The following CCDC178 variants were observed in gnomAD, a reference collection of about 807,000 sequenced individuals.
CCDC178 encodes coiled-coil domain-containing protein 178.
A neutral mutation model predicts 117.4 loss-of-function variants in CCDC178; 126 were observed. The observed-to-expected ratio is 1.07, with a 90% CI of 0.93 to 1.24. The LOEUF is 1.24. Among genes scored for constraint, CCDC178 ranks in the 50% most tolerant of loss-of-function variants. The pLI, the probability that CCDC178 is intolerant of heterozygous loss-of-function variation, is 0.00. For missense variants in CCDC178, 1,030 were observed against 986.9 expected, an observed-to-expected ratio of 1.04 and a Z score of -0.59; for synonymous variants, 283 against 313.4, an observed-to-expected ratio of 0.90 and a Z score of 1.02.
chr18:33,338,244 A>G (rs2062768387), intron 9 of CCDC178, among the ~76,000 whole-genome samples: 2 of 152,186 alleles, frequency 1.3e-5, no homozygotes, highest in South Asian at 4.1e-4. Context: ...TAAAAAAATG[A>G]AAAACATTAT....
intron 7 of CCDC178, among the ~76,000 whole-genome samples, chr18:33,355,009 T>C (rs1430415452): frequency 6.6e-6 from 1 of 152,180 alleles, no homozygotes; most frequent in Non-Finnish European, 1.5e-5. Context: ...TTGTTCATGG[T>C]TTCCTTTATC....
At chr18:33,204,820 T>C (rs534822921) in intron 20 of CCDC178, among the ~76,000 whole-genome samples, 12 of 152,100 alleles carry the variant, frequency 7.9e-5, no homozygotes, top group Non-Finnish European at 1.8e-4. Context: ...GAAGATATGG[T>C]TACAAAATTA....
intron 9 of CCDC178, 112 bp from the exon 10 acceptor site, chr18:33,333,506 C>CTT (rs11361411): frequency 4.0e-3 from 617 of 152,630 alleles, no homozygotes; most frequent in South Asian, 1.0e-2. Flanking sequence ...AATCTTACTA[C>CTT]TTTTTTTTTT....
intron 14 of CCDC178, among the ~76,000 whole-genome samples, chr18:33,247,374 C>A (rs959457616): frequency 7.3e-5 from 11 of 151,402 alleles, no homozygotes; most frequent in Admixed American, 2.0e-4. Flanking sequence ...TGACACACAG[C>A]AGAAATTAGA....
intron 5 of CCDC178, among the ~76,000 whole-genome samples, chr18:33,389,133 C>T (rs888101937): frequency 2.6e-5 from 4 of 151,956 alleles, no homozygotes; most frequent in Non-Finnish European, 5.9e-5. Context: ...CACATGTACC[C>T]TGGAACTTAA....
intron 2 of CCDC178, among the ~76,000 whole-genome samples, chr18:33,421,332 T>C (rs1599301163): frequency 6.6e-6 from 1 of 152,344 alleles, no homozygotes; most frequent in Non-Finnish European, 1.5e-5. Flanking sequence ...GGCCCCAGCT[T>C]TCCTTCCTGC....
At chr18:33,290,001 T>C (rs1417958612) in intron 12 of CCDC178, among the ~76,000 whole-genome samples, 5 of 152,152 alleles carry the variant, frequency 3.3e-5, no homozygotes, top group Non-Finnish European at 7.4e-5. Flanking sequence ...AATTCTAAAC[T>C]TATGGCTTCA....
intron 2 of CCDC178, among the ~76,000 whole-genome samples, chr18:33,435,285 A>G (rs1314661127): frequency 6.6e-6 from 1 of 152,136 alleles, no homozygotes; most frequent in Non-Finnish European, 1.5e-5. Context: ...TGGCTACATT[A>G]ACCACCTTCA....
intron 5 of CCDC178, among the ~76,000 whole-genome samples, chr18:33,378,619 C>A (rs1262228533): frequency 6.6e-6 from 1 of 151,970 alleles, no homozygotes; most frequent in African/African-American, 2.4e-5. Flanking sequence ...ATTTTATGCC[C>A]TGTTTCTTGA....
intron 20 of CCDC178, among the ~76,000 whole-genome samples, chr18:33,182,434 T>C (rs576342329): frequency 6.6e-6 from 1 of 152,122 alleles, no homozygotes; most frequent in South Asian, 2.1e-4. Flanking sequence ...TTTTATACTA[T>C]CTTTCAATAT....
Position 33,196,486 on chromosome 18 carries a change from A to G in CCDC178, c.2238+15410T>C, listed in dbSNP as rs534050823. 7.5e-4 allele frequency among the ~76,000 whole-genome samples: 114 copies of G among 152,138 alleles called. 1 individual carries two copies. The highest frequency in any genetic ancestry group is 2.7e-3 in the African/African-American group (110 of 41,490). Reference sequence around the variant, plus strand: ...ACTAATTATAGACAGCACTTTTCTGAATTTCGTGAGCTTTCTAGCAAATTA... The same window carrying G: ...ACTAATTATAGACAGCACTTTTCTGGATTTCGTGAGCTTTCTAGCAAATTA... On this transcript the variant is annotated intron_variant, in intron 20 of 22. Transcript: ENST00000383096.
intron 2 of CCDC178, among the ~76,000 whole-genome samples, chr18:33,425,622 G>GTC (rs1224662352): frequency 1.3e-5 from 2 of 152,250 alleles, no homozygotes; most frequent in African/African-American, 4.8e-5. Flanking sequence ...TAGACCAGGT[G>GTC]TCTGTATCTG....
chr18:33,200,784 T>A (rs2058982254), intron 20 of CCDC178, among the ~76,000 whole-genome samples: 1 of 152,202 alleles, frequency 6.6e-6, no homozygotes, highest in Admixed American at 6.5e-5. Flanking sequence ...GAAAAGTACT[T>A]GTTACACCTT....
chr18:33,419,769 A>G (rs1165152403), intron 2 of CCDC178, among the ~76,000 whole-genome samples: 1 of 152,210 alleles, frequency 6.6e-6, no homozygotes, highest in Non-Finnish European at 1.5e-5. Flanking sequence ...GGCCATTAAA[A>G]AGTCAAAAAA....
At chr18:33,077,049 T>G (rs1191735220) in intron 21 of CCDC178, among the ~76,000 whole-genome samples, 1 of 152,168 alleles carries the variant, frequency 6.6e-6, no homozygotes, top group Non-Finnish European at 1.5e-5. Context: ...CACCATAAAC[T>G]CTCTCTCAAA....
At chr18:33,168,940 G>C (rs906437942) in intron 20 of CCDC178, among the ~76,000 whole-genome samples, 1 of 152,108 alleles carries the variant, frequency 6.6e-6, no homozygotes, top group Non-Finnish European at 1.5e-5. Flanking sequence ...CCTACATCCT[G>C]TTATGGTTTT....
At chr18:33,274,486 A>C (rs972583490) in intron 12 of CCDC178, among the ~76,000 whole-genome samples, 1 of 151,956 alleles carries the variant, frequency 6.6e-6, no homozygotes, top group Non-Finnish European at 1.5e-5. Context: ...AGAGTCAAAA[A>C]AAGTGGAAAC....
At chr18:32,967,776 T>C (rs911993926) in intron 22 of CCDC178, among the ~76,000 whole-genome samples, 4 of 151,750 alleles carry the variant, frequency 2.6e-5, no homozygotes, top group Admixed American at 6.6e-5. Flanking sequence ...TGTTTTTAAA[T>C]TTTATTTGAA....
intron 20 of CCDC178, among the ~76,000 whole-genome samples, chr18:33,202,391 TAAAAAAAAA>T (rs60997290): frequency 1.5e-3 from 31 of 20,280 alleles, no homozygotes; most frequent in African/African-American, 4.2e-3. Flanking sequence ...GACTCCATCT[TAAAAAAAAA>T]AAAAAAAAAA....
Sources: gnomAD v4.1 joint callset for allele counts (sites outside exome capture counted in the v4.1 genomes callset) on GRCh38, gnomAD v4.1.1 for gene constraint, MANE v1.5 for transcripts, NCBI Gene and HGNC (gene_info 2026-07-23, HGNC 2026-07-21) for gene names.